CEP83: variants seen among roughly 807,000 people sequenced by gnomAD.
CEP83 encodes the protein centrosomal protein of 83 kDa.
A neutral mutation model predicts 101.9 loss-of-function variants in CEP83; 70 were observed. The ratio of observed to expected loss-of-function variants is 0.69; its 90% CI spans 0.57 to 0.84. The LOEUF (loss-of-function observed/expected upper bound fraction) is 0.84. Ranked by LOEUF, CEP83 falls within the 40% of genes least tolerant of loss-of-function variation. CEP83 has a pLI of 0.00. For missense variants in CEP83, 715 were observed against 787.2 expected, an observed-to-expected ratio of 0.91 and a Z score of 1.10; for synonymous variants, 264 against 267.9, an observed-to-expected ratio of 0.99 and a Z score of 0.14.
At chr12:94,330,439 G>A (rs2059152666) in intron 14 of CEP83, among the ~76,000 whole-genome samples, 1 of 152,164 alleles carries the variant, frequency 6.6e-6, no homozygotes, top group Middle Eastern at 3.2e-3. Context: ...AAAGTTGTAA[G>A]TCACTGATTT....
chr12:94,346,508 G>A (rs2059939934), intron 11 of CEP83, among the ~76,000 whole-genome samples: 1 of 151,446 alleles, frequency 6.6e-6, no homozygotes, highest in African/African-American at 2.4e-5. Context: ...CCTTAAGCTT[G>A]TGAACCACTC....
intron 2 of CEP83, chr12:94,423,877 T>A (rs915656231): frequency 5.0e-6 from 8 of 1,612,260 alleles, no homozygotes; most frequent in African/African-American, 1.3e-5. Flanking sequence ...AGATGTAAGC[T>A]CCTTGCATAG....
At chr12:94,302,178 T>C (rs1046253457), downstream of CEP83, among the ~76,000 whole-genome samples, 11 of 152,236 alleles carry the variant, frequency 7.2e-5, no homozygotes, top group African/African-American at 2.2e-4. Flanking sequence ...CAGTGCCACA[T>C]AGTGCTTCCT....
chr12:94,309,348 G>T (rs532317119), intron 16 of CEP83, among the ~76,000 whole-genome samples: 1 of 152,092 alleles, frequency 6.6e-6, no homozygotes, highest in African/African-American at 2.4e-5. Context: ...TTCTGAAAAA[G>T]AATCAATCTG....
intron 14 of CEP83, among the ~76,000 whole-genome samples, chr12:94,318,017 T>C (rs1249685602): frequency 6.6e-6 from 1 of 152,222 alleles, no homozygotes; most frequent in Non-Finnish European, 1.5e-5. Flanking sequence ...TTTGACAGTA[T>C]GGCCATTTTA....
intron 14 of CEP83, among the ~76,000 whole-genome samples, chr12:94,316,484 G>T (rs1970710888): frequency 6.6e-6 from 1 of 151,990 alleles, no homozygotes; most frequent in Admixed American, 6.6e-5. Flanking sequence ...AGGTACATGT[G>T]CAGGTTTGTT....
At chr12:94,291,609 G>C in the CEP83 span, among the ~76,000 whole-genome samples, 1 of 152,096 alleles carries the variant, frequency 6.6e-6, no homozygotes, top group Non-Finnish European at 1.5e-5. Context: ...TTATAGAATT[G>C]AGCAACCATT....
At chr12:94,296,921 TG>T in the CEP83 span, among the ~76,000 whole-genome samples, 1 of 152,180 alleles carries the variant, frequency 6.6e-6, no homozygotes, top group Non-Finnish European at 1.5e-5. Context: ...GTTAAATGAA[TG>T]AGGCTTGAGC....
chr12:94,363,122 A>C (rs1045659114), intron 11 of CEP83, among the ~76,000 whole-genome samples: 1 of 152,246 alleles, frequency 6.6e-6, no homozygotes, highest in Non-Finnish European at 1.5e-5. Flanking sequence ...AGCACTACAG[A>C]CTGACTACAG....
chr12:94,353,911 GA>G (rs201323720), intron 11 of CEP83, among the ~76,000 whole-genome samples: 51 of 149,352 alleles, frequency 3.4e-4, no homozygotes, highest in African/African-American at 1.1e-3. Context: ...TTATATAATG[GA>G]AAAAAAAACC....
chr12:94,374,273 C>T (rs1337134776), intron 8 of CEP83, among the ~76,000 whole-genome samples: 1 of 152,002 alleles, frequency 6.6e-6, no homozygotes, highest in African/African-American at 2.4e-5. Flanking sequence ...TACTTGGTGG[C>T]CCCCCCAAGA....
At chr12:94,314,740 C>T (rs1454812998) in intron 14 of CEP83, among the ~76,000 whole-genome samples, 2 of 152,192 alleles carry the variant, frequency 1.3e-5, no homozygotes, top group African/African-American at 4.8e-5. Context: ...CTCCTGTCTA[C>T]CCTGGCAAAG....
At chr12:94,400,153 C>T (rs1011615540) in intron 6 of CEP83, among the ~76,000 whole-genome samples, 2 of 151,816 alleles carry the variant, frequency 1.3e-5, no homozygotes, top group African/African-American at 2.4e-5. Context: ...CTATAGATAC[C>T]AACCTATTTT....
At chr12:94,389,497 G>A (rs1427858236) in intron 6 of CEP83, among the ~76,000 whole-genome samples, 4 of 152,108 alleles carry the variant, frequency 2.6e-5, no homozygotes, top group Non-Finnish European at 5.9e-5. Context: ...AATAGGAGAC[G>A]GTTGGTCCAA....
chr12:94,326,516 T>G (rs139814661), intron 14 of CEP83, among the ~76,000 whole-genome samples: 6 of 152,212 alleles, frequency 3.9e-5, no homozygotes, highest in African/African-American at 1.4e-4. Context: ...AATTGAATTT[T>G]TGGACACCTG....
intron 4 of CEP83, among the ~76,000 whole-genome samples, chr12:94,409,848 TCTC>T (rs2063772100): frequency 1.3e-5 from 2 of 152,128 alleles, no homozygotes; most frequent in Admixed American, 6.6e-5. Context: ...CCATCTCTCT[TCTC>T]CTCTTTTTTT....
At position 94,369,972 on chromosome 12, in the gene CEP83, GC is replaced by G; in HGVS notation, c.997del (p.Ala333LeufsTer5). On this transcript the variant is annotated frameshift_variant, in exon 9 of 17. Transcript: ENST00000397809. LOFTEE classifies it high-confidence loss of function. ...ITDIKLETAR[A>X]KSELERERNK... ...CCTTTCTCTTTCTAGCTCACTCTTA[GC>G]TCTTGCTGTCTCCAGTTTGATGTCT... is the stretch of plus-strand genomic sequence containing the variant. 1 of 1,610,804 alleles carries G rather than the reference GC, an allele frequency of 6.2e-7. No homozygotes were observed. The highest frequency in any genetic ancestry group is 8.5e-7 in the Non-Finnish European group (1 of 1,177,514).
intron 2 of CEP83, chr12:94,424,030 G>A: frequency 6.2e-7 from 1 of 1,612,668 alleles, no homozygotes; most frequent in Non-Finnish European, 8.5e-7. Flanking sequence ...AAGGCTGCAT[G>A]AGGTATGAAT....
Position 94,378,658 on chromosome 12 carries a change from A to G in CEP83, c.801+133T>C. ...GCTTTCTTCTTTACTAAAAGAATAA[A>G]TACTCTTGGGATTACACAAATGCAT... is the stretch of plus-strand genomic sequence containing the variant. On this transcript the variant is annotated intron_variant, in intron 7 of 16. Transcript: ENST00000397809. The G allele has an allele frequency of 3.2e-6, 3 of 946,964 alleles. No individual in the cohort carries two copies. In the South Asian group the frequency reaches 5.3e-5, roughly 17 times the overall value. The allele number at this position is 946,964 out of a possible 1,614,324, so 58.7% of individuals were successfully genotyped here.
Sources: gnomAD v4.1 joint callset for allele counts (sites outside exome capture counted in the v4.1 genomes callset) on GRCh38, gnomAD v4.1.1 for gene constraint, MANE v1.5 for transcripts, NCBI Gene and HGNC (gene_info 2026-07-23, HGNC 2026-07-21) for gene names.